Variants in SGCD observed in about 807,000 individuals in gnomAD.
The protein encoded by SGCD is sarcoglycan delta.
A neutral mutation model predicts 36.6 loss-of-function variants in SGCD; 18 were observed. The ratio of observed to expected loss-of-function variants is 0.49; its 90% CI spans 0.34 to 0.73. The LOEUF is 0.73. Among genes scored for constraint, SGCD ranks in the 30% least tolerant of loss-of-function variants. The pLI is 0.01. For missense variants in SGCD, 387 were observed against 346.7 expected (o/e 1.12, Z -0.92); for synonymous variants, 133 against 130.6 (o/e 1.02, Z -0.12).
chr5:156,262,055 G>A (rs1488748494), intron 3 of SGCD, among the ~76,000 whole-genome samples: 1 of 152,032 alleles, frequency 6.6e-6, no homozygotes, highest in Non-Finnish European at 1.5e-5. Flanking sequence ...AGTTTAATTC[G>A]TTACTGAAGA....
At chr5:155,897,483 T>TACA (rs1756291775) in intron 1 of SGCD, among the ~76,000 whole-genome samples, 1 of 152,194 alleles carries the variant, frequency 6.6e-6, no homozygotes, top group Non-Finnish European at 1.5e-5. Flanking sequence ...AACATACATA[T>TACA]TTATTTTCTT....
intron 3 of SGCD, among the ~76,000 whole-genome samples, chr5:156,444,020 CT>C (rs780333022): frequency 5.3e-5 from 8 of 150,740 alleles, no homozygotes; most frequent in Non-Finnish European, 1.2e-4. Flanking sequence ...CAGATACTTG[CT>C]GATTTTGGAC....
chr5:155,917,958 G>C (rs113029315), intron 1 of SGCD, among the ~76,000 whole-genome samples: 1 of 152,122 alleles, frequency 6.6e-6, no homozygotes, highest in African/African-American at 2.4e-5. Context: ...TACCCTGTTA[G>C]GAACAGCATA....
chr5:155,890,691 G>A (rs1183367686), intron 1 of SGCD, among the ~76,000 whole-genome samples: 2 of 152,116 alleles, frequency 1.3e-5, no homozygotes, highest in African/African-American at 4.8e-5. Context: ...CAGATAGATA[G>A]GAGAACCAGG....
At chr5:156,657,218 A>G (rs961803189) in intron 7 of SGCD, among the ~76,000 whole-genome samples, 13 of 150,796 alleles carry the variant, frequency 8.6e-5, no homozygotes, top group Admixed American at 2.0e-4. Flanking sequence ...AAATAGTCTG[A>G]CTTTTTTTTT....
At chr5:156,453,130 C>T (rs541342995) in intron 3 of SGCD, among the ~76,000 whole-genome samples, 1 of 152,128 alleles carries the variant, frequency 6.6e-6, no homozygotes, top group South Asian at 2.1e-4. Flanking sequence ...AACTTAGAAA[C>T]TGTGATGTAT....
At chr5:155,835,002 A>ATTTTTTTTTTTTTTTTTTTTTTT in the SGCD span, among the ~76,000 whole-genome samples, 19 of 60,178 alleles carry the variant, frequency 3.2e-4, 4 homozygotes, top group East Asian at 3.8e-3. Flanking sequence ...TGCCCAGCTA[A>ATTTTTTTTTTTTTTTTTTTTTTT]TTTTTTTTTT....
chr5:156,247,091 C>T (rs2127658920), intron 3 of SGCD, among the ~76,000 whole-genome samples: 1 of 152,282 alleles, frequency 6.6e-6, no homozygotes, highest in South Asian at 2.1e-4. Flanking sequence ...GATTATTACC[C>T]TGTTGCCCTG....
At chr5:155,787,564 C>T in the SGCD span, among the ~76,000 whole-genome samples, 3 of 152,134 alleles carry the variant, frequency 2.0e-5, no homozygotes, top group African/African-American at 7.2e-5. Context: ...GAAGGTGTTT[C>T]AACAGGATAG....
At chr5:156,298,851 T>A (rs1766972890) in intron 3 of SGCD, among the ~76,000 whole-genome samples, 3 of 152,190 alleles carry the variant, frequency 2.0e-5, no homozygotes. Context: ...TATTAATCCC[T>A]TTTCAGATTA....
intron 7 of SGCD, among the ~76,000 whole-genome samples, chr5:156,735,927 A>G (rs575175904): frequency 6.6e-6 from 1 of 152,296 alleles, no homozygotes; most frequent in East Asian, 1.9e-4. Flanking sequence ...GTCAGACTGA[A>G]GGCCCTGGTG....
Position 156,222,374 on chromosome 5 carries a change from G to A in SGCD, c.-44+98355G>A, listed in dbSNP as rs76739419. Among the ~76,000 whole-genome samples the A allele has an allele frequency of 5.8e-3, 889 of 152,230 alleles. 12 individuals carry two copies. Among genetic ancestry groups the A allele is most frequent in the African/African-American group, 0.021 (852 of 41,554 alleles). On this transcript the variant is annotated intron_variant, in intron 3 of 9. Transcript: ENST00000517913. ...CCTACATTTTAAGATTCCATTTATAGATTCTACTTTACATTAGTGATTTCA... is the reference window on the plus strand; with the variant it reads ...CCTACATTTTAAGATTCCATTTATAAATTCTACTTTACATTAGTGATTTCA...
chr5:156,354,577 A>G (rs190019809), intron 3 of SGCD, among the ~76,000 whole-genome samples: 53 of 152,298 alleles, frequency 3.5e-4, no homozygotes, highest in African/African-American at 1.2e-3. Flanking sequence ...AGTTATTTTT[A>G]TGTCCTAGAA....
At chr5:155,820,482 A>C in the SGCD span, among the ~76,000 whole-genome samples, 257 of 152,254 alleles carry the variant, frequency 1.7e-3, no homozygotes, top group African/African-American at 6.0e-3. Context: ...CAACATGGTG[A>C]AACCCTGTGT....
chr5:156,112,059 A>G (rs1238564913), intron 1 of SGCD, among the ~76,000 whole-genome samples: 1 of 152,078 alleles, frequency 6.6e-6, no homozygotes, highest in African/African-American at 2.4e-5. Flanking sequence ...GGATTACAAG[A>G]GGTGGATTTT....
rs1277601903 is a variant in SGCD at position 156,068,470 on chromosome 5, G to A, written c.-281-49408G>A. ...CATGAACTCCTCATTTTTTATGGCTGCATAGTATTCCATGGTGTATATGTG... is the reference window on the plus strand; with the variant it reads ...CATGAACTCCTCATTTTTTATGGCTACATAGTATTCCATGGTGTATATGTG... On this transcript the variant is annotated intron_variant, in intron 1 of 9. Coordinates refer to the SGCD transcript ENST00000517913. Among the ~76,000 whole-genome samples the A allele has an allele frequency of 3.3e-5, 5 of 152,186 alleles. No homozygotes were observed. The East Asian group carries it at 9.7e-4, about 29-fold the overall frequency.
chr5:155,764,086 C>A, the SGCD span, among the ~76,000 whole-genome samples: 1 of 152,074 alleles, frequency 6.6e-6, no homozygotes, highest in Non-Finnish European at 1.5e-5. Context: ...TACTGTGTCC[C>A]AGTCAGTATA....
chr5:156,536,435 G>A (rs1758115097), intron 4 of SGCD, among the ~76,000 whole-genome samples: 1 of 152,140 alleles, frequency 6.6e-6, no homozygotes, highest in Admixed American at 6.6e-5. Context: ...CCTGTTATAG[G>A]ACTTAGTCAT....
chr5:156,310,897 G>T (rs1767374762), intron 3 of SGCD, among the ~76,000 whole-genome samples: 1 of 152,186 alleles, frequency 6.6e-6, no homozygotes, highest in Admixed American at 6.5e-5. Context: ...GAGGAGTACA[G>T]GGTTTGGAAA....
Sources: gnomAD v4.1 joint callset for allele counts (sites outside exome capture counted in the v4.1 genomes callset) on GRCh38, gnomAD v4.1.1 for gene constraint, MANE v1.5 for transcripts, NCBI Gene and HGNC (gene_info 2026-07-23, HGNC 2026-07-21) for gene names.